CHSY3: variants seen among roughly 807,000 people sequenced by gnomAD.
The protein encoded by CHSY3 is N-acetylgalactosaminyl-proteoglycan 3-beta-glucuronosyltransferase 3.
CHSY3 carries 35 observed loss-of-function variants against 67.2 expected under a neutral mutation model. The observed-to-expected ratio is 0.52, with a 90% CI of 0.40 to 0.69. The LOEUF (loss-of-function observed/expected upper bound fraction) is 0.69, where lower values mean the gene tolerates loss of function less well. CHSY3 is among the 30% of genes least tolerant of loss of function. The pLI, the probability that CHSY3 is intolerant of heterozygous loss-of-function variation, is 0.00. For synonymous variants in CHSY3, 474 were observed against 434.7 expected, an observed-to-expected ratio of 1.09 and a Z score of -1.12; for missense variants, 1,069 against 1,138.5, an observed-to-expected ratio of 0.94 and a Z score of 0.88.
chr5:130,120,645 T>A (rs1767984345), intron 2 of CHSY3, among the ~76,000 whole-genome samples: 1 of 152,294 alleles, frequency 6.6e-6, no homozygotes, highest in Middle Eastern at 3.4e-3. Context: ...TTTTACTAAC[T>A]TCTATTCCTC....
chr5:130,107,977 A>G (rs920052091), intron 2 of CHSY3, among the ~76,000 whole-genome samples: 1 of 151,694 alleles, frequency 6.6e-6, no homozygotes, highest in East Asian at 1.9e-4. Flanking sequence ...ACAACGAAAA[A>G]CATTTTTATT....
chr5:129,942,862 G>A (rs1761739153), intron 2 of CHSY3, among the ~76,000 whole-genome samples: 1 of 152,120 alleles, frequency 6.6e-6, no homozygotes, highest in Admixed American at 6.6e-5. Context: ...GTAGTTAATG[G>A]ATATATATGA....
Position 130,185,726 on chromosome 5 carries a change from A to G in CHSY3, c.2584A>G (p.Met862Val). The G allele has an allele frequency of 6.2e-7, 1 of 1,613,236 alleles. No homozygotes were observed. The highest frequency in any genetic ancestry group is 8.5e-7 in the Non-Finnish European group (1 of 1,179,432). The part of the protein sequence containing the change: ...GSKASTFAST[M>V]QLAELWLEKH... ...CAAGGCAAGTACTTTCGCCTCAACC[A>G]TGCAACTGGCTGAACTCTGGCTTGA... The change falls in exon 3 of 3, where the codon ATG becomes GTG. Residue 862 changes from methionine (M) to valine (V), a missense_variant. Transcript: ENST00000305031.
In CHSY3 at chr5:130,011,709, G is replaced by A. The variant is rs182799939; in HGVS notation, c.1086+103349G>A. 3.3e-3 allele frequency among the ~76,000 whole-genome samples: 501 copies of A among 152,256 alleles called. 7 individuals carry two copies. Among genetic ancestry groups the A allele is most frequent in the Non-Finnish European group, 9.4e-4 (64 of 68,000 alleles). ...TCTCTATTATGTGATTTTGTACTTA[G>A]AAAATGCCATGGTCTCTGCCCAAAG... On this transcript the variant is annotated intron_variant, in intron 2 of 2. Coordinates refer to ENST00000305031, the MANE Select transcript of CHSY3 (RefSeq NM_175856.5).
chr5:130,113,696 A>C (rs1045693408), intron 2 of CHSY3, among the ~76,000 whole-genome samples: 100 of 152,256 alleles, frequency 6.6e-4, no homozygotes, highest in Admixed American at 1.4e-3. Context: ...TGGCAGGAAG[A>C]CAGGTCTACA....
chr5:129,919,043 C>T (rs1403209800), intron 2 of CHSY3, among the ~76,000 whole-genome samples: 1 of 128,482 alleles, frequency 7.8e-6, no homozygotes, highest in Non-Finnish European at 1.6e-5. Context: ...GGAGGCGGAG[C>T]TTGCCGTGAG....
chr5:130,178,322 C>T (rs1452252501), intron 2 of CHSY3, among the ~76,000 whole-genome samples: 1 of 140,294 alleles, frequency 7.1e-6, no homozygotes, highest in Non-Finnish European at 1.5e-5. Flanking sequence ...GTGGCAGGAT[C>T]TCAGCTCACT....
At chr5:130,134,050 T>G (rs1382511856) in intron 2 of CHSY3, among the ~76,000 whole-genome samples, 1 of 152,216 alleles carries the variant, frequency 6.6e-6, no homozygotes, top group Admixed American at 6.5e-5. Flanking sequence ...TTTCCACTAA[T>G]TTTTTAAGCA....
chr5:129,970,421 GATA>G (rs1762606006), intron 2 of CHSY3, among the ~76,000 whole-genome samples: 1 of 151,250 alleles, frequency 6.6e-6, no homozygotes, highest in Non-Finnish European at 1.5e-5. Context: ...TAGATAGATA[GATA>G]GATAGATAGA....
At chr5:129,932,220 C>T (rs1761340938) in intron 2 of CHSY3, among the ~76,000 whole-genome samples, 1 of 148,416 alleles carries the variant, frequency 6.7e-6, no homozygotes, top group South Asian at 2.2e-4. Context: ...GCCATGGGGG[C>T]TGGCAAGTTT....
intron 2 of CHSY3, among the ~76,000 whole-genome samples, chr5:130,124,982 TA>T (rs1199761286): frequency 6.6e-6 from 1 of 152,208 alleles, no homozygotes; most frequent in East Asian, 1.9e-4. Context: ...AAATGCTTGT[TA>T]AAAACTAGAT....
intron 2 of CHSY3, among the ~76,000 whole-genome samples, chr5:130,110,623 T>C (rs1047711936): frequency 2.6e-5 from 4 of 151,988 alleles, no homozygotes; most frequent in Admixed American, 2.6e-4. Flanking sequence ...GGATGGATAC[T>C]TACATGCAGG....
Position 130,116,315 on chromosome 5 carries a change from C to T in CHSY3, c.1087-67914C>T, listed in dbSNP as rs964611014. ...TAATTGTAATGTTCACTCTTTGACA[C>T]AATTAAGCTATAAATAGCATCTTCT... On this transcript the variant is annotated intron_variant, in intron 2 of 2. Coordinates refer to ENST00000305031, the MANE Select transcript of CHSY3 (RefSeq NM_175856.5). Among the ~76,000 whole-genome samples, 7 of 152,300 alleles carry T rather than the reference C, an allele frequency of 4.6e-5. No individual in the cohort carries two copies. The East Asian group carries it at 7.7e-4, about 17-fold the overall frequency.
intron 2 of CHSY3, chr5:130,002,049 C>G: frequency 6.7e-6 from 6 of 889,650 alleles, no homozygotes; most frequent in Non-Finnish European, 8.1e-6. Flanking sequence ...TAACTCACTA[C>G]TTTAGCAGTA....
In CHSY3 at chr5:130,162,846, A is replaced by G. The variant is rs145353448; in HGVS notation, c.1087-21383A>G. Among the ~76,000 whole-genome samples, 625 of 152,342 alleles carry G rather than the reference A, an allele frequency of 4.1e-3. 9 individuals carry two copies. Among genetic ancestry groups the G allele is most frequent in the South Asian group, 0.036 (172 of 4,832 alleles). On this transcript the variant is annotated intron_variant, in intron 2 of 2. Coordinates refer to ENST00000305031, the MANE Select transcript of CHSY3 (RefSeq NM_175856.5). ...TACCAATTGTACTGTGGCTGGCACA[A>G]TGCAAATGGAATAAATTACATAGCC...
intron 2 of CHSY3, among the ~76,000 whole-genome samples, chr5:130,146,633 G>T (rs555771541): frequency 2.0e-4 from 30 of 151,820 alleles, no homozygotes; most frequent in Non-Finnish European, 3.7e-4. Context: ...TCTCCACAAA[G>T]AAATGATAAA....
intron 2 of CHSY3, among the ~76,000 whole-genome samples, chr5:129,965,538 G>A (rs114405353): frequency 2.6e-4 from 40 of 151,872 alleles, no homozygotes; most frequent in African/African-American, 8.9e-4. Flanking sequence ...TGCACCTTGA[G>A]GTTACTCCAT....
intron 2 of CHSY3, among the ~76,000 whole-genome samples, chr5:130,133,818 A>C (rs1359047072): frequency 6.7e-6 from 1 of 150,292 alleles, no homozygotes; most frequent in Non-Finnish European, 1.5e-5. Context: ...AAAGGCTGTC[A>C]ACCTAAGAGA....
At chr5:129,955,869 C>T (rs1762155901) in intron 2 of CHSY3, among the ~76,000 whole-genome samples, 1 of 152,128 alleles carries the variant, frequency 6.6e-6, no homozygotes, top group African/African-American at 2.4e-5. Context: ...AGGACATGAT[C>T]TTGTTCTTTT....
Sources: gnomAD v4.1 joint callset for allele counts (sites outside exome capture counted in the v4.1 genomes callset) on GRCh38, gnomAD v4.1.1 for gene constraint, MANE v1.5 for transcripts, NCBI Gene and HGNC (gene_info 2026-07-23, HGNC 2026-07-21) for gene names.